The following PEX5L variants were observed in gnomAD, a reference collection of about 807,000 sequenced individuals.
The protein encoded by PEX5L is peroxisomal biogenesis factor 5 like.
Under a neutral mutation model 84.0 loss-of-function variants are expected in PEX5L, and 30 were observed. The observed-to-expected ratio is 0.36, with a 90% CI of 0.27 to 0.48. The LOEUF (loss-of-function observed/expected upper bound fraction) is 0.48, where lower values mean the gene tolerates loss of function less well. PEX5L is among the 20% of genes least tolerant of loss of function. The probability of loss-of-function intolerance (pLI) is 0.99; values close to 1 mark genes in which losing one functional copy is unlikely to be tolerated. For missense variants in PEX5L, 533 were observed against 754.6 expected, an observed-to-expected ratio of 0.71 and a Z score of 3.44; for synonymous variants, 270 against 283.1, an observed-to-expected ratio of 0.95 and a Z score of 0.46.
intron 2 of PEX5L, among the ~76,000 whole-genome samples, chr3:179,965,585 G>A (rs914343933): frequency 1.3e-5 from 2 of 152,068 alleles, no homozygotes; most frequent in African/African-American, 2.4e-5. Flanking sequence ...GTATTTTCTG[G>A]CTTTATACCA....
At chr3:180,032,777 C>T (rs1343446306) in intron 1 of PEX5L, among the ~76,000 whole-genome samples, 6 of 152,066 alleles carry the variant, frequency 3.9e-5, no homozygotes, top group Non-Finnish European at 7.4e-5. Flanking sequence ...TTGCTTGAGC[C>T]AGGGAGGCAT....
At chr3:179,999,369 C>T (rs755318301) in intron 1 of PEX5L, among the ~76,000 whole-genome samples, 1 of 152,156 alleles carries the variant, frequency 6.6e-6, no homozygotes, top group East Asian at 1.9e-4. Context: ...CCCCTGTCAT[C>T]GCCCAATGGT....
At chr3:179,941,978 GC>G in intron 2 of PEX5L, among the ~76,000 whole-genome samples, 1 of 126,120 alleles carries the variant, frequency 7.9e-6, no homozygotes, top group Non-Finnish European at 1.6e-5. Flanking sequence ...CCCAGATCGC[GC>G]CACTGCACTC....
chr3:179,943,384 A>C (rs879619747), intron 2 of PEX5L, among the ~76,000 whole-genome samples: 1 of 152,220 alleles, frequency 6.6e-6, no homozygotes, highest in Non-Finnish European at 1.5e-5. Flanking sequence ...CTACTTCCTC[A>C]TTTCCTAAAA....
chr3:180,023,085 A>G (rs977351974), intron 1 of PEX5L, among the ~76,000 whole-genome samples: 14 of 152,200 alleles, frequency 9.2e-5, no homozygotes, highest in African/African-American at 3.4e-4. Flanking sequence ...TATGGCCTGA[A>G]TTTGCTATGC....
In PEX5L at chr3:179,840,190, T is replaced by G. The variant is rs1182441779; in HGVS notation, c.822+18872A>C. Among the ~76,000 whole-genome samples the G allele has an allele frequency of 3.0e-3, 436 of 143,184 alleles. 1 individual carries two copies. The highest frequency in any genetic ancestry group is 0.011 in the African/African-American group (409 of 38,524). 93.9% of individuals were successfully genotyped at this position (143,184 alleles called of 152,430 possible). Reference sequence around the variant, plus strand: ...GTGTGTGTGTGTGTGTGTGTTTTTTTTTTTTTTTTTTTTTTGAGATGGAGT... The same window carrying G: ...GTGTGTGTGTGTGTGTGTGTTTTTTGTTTTTTTTTTTTTTTGAGATGGAGT... On this transcript the variant is annotated intron_variant, in intron 8 of 14. Transcript: ENST00000467460.
intron 7 of PEX5L, among the ~76,000 whole-genome samples, chr3:179,860,017 G>A (rs1745453590): frequency 6.6e-6 from 1 of 151,492 alleles, no homozygotes; most frequent in East Asian, 1.9e-4. Context: ...AATGTGTATT[G>A]TAATATGTAC....
At position 180,036,774 on chromosome 3, in the gene PEX5L, G is replaced by C. The variant is rs1425801623; in HGVS notation, c.-175C>G. On this transcript the variant is annotated 5_prime_UTR_variant, in exon 1 of 15. Transcript: ENST00000467460. ...CGGCGGCCACTCGGCAGCGCTGCGG[G>C]CTGCCGGGAACTGTTCTCCGCTCGG... 3 of 684,068 alleles carry C rather than the reference G, an allele frequency of 4.4e-6. No homozygotes were observed. The highest frequency in any genetic ancestry group is 4.5e-5 in the Admixed American group (2 of 44,668). The allele number at this position is 684,068 out of a possible 1,614,324, so 42.4% of individuals were successfully genotyped here.
At chr3:179,818,685 A>G (rs1363310002) in intron 9 of PEX5L, among the ~76,000 whole-genome samples, 8 of 151,848 alleles carry the variant, frequency 5.3e-5, no homozygotes, top group South Asian at 2.1e-4. Context: ...AGCTCCCACA[A>G]ACAAGTGAGA....
At chr3:179,960,043 C>A (rs1781621594) in intron 2 of PEX5L, among the ~76,000 whole-genome samples, 1 of 152,072 alleles carries the variant, frequency 6.6e-6, no homozygotes, top group South Asian at 2.1e-4. Flanking sequence ...TTATGTTTTG[C>A]TTATTTTTTT....
At chr3:179,812,730 A>G (rs767114477) in intron 10 of PEX5L, among the ~76,000 whole-genome samples, 1 of 152,020 alleles carries the variant, frequency 6.6e-6, no homozygotes, top group Non-Finnish European at 1.5e-5. Flanking sequence ...TTATAAGAGT[A>G]ATACACACAA....
intron 8 of PEX5L, among the ~76,000 whole-genome samples, chr3:179,831,267 T>C (rs753005011): frequency 2.3e-4 from 35 of 151,002 alleles, no homozygotes; most frequent in Admixed American, 1.4e-3. Flanking sequence ...TGAGCTGAGA[T>C]TGCACCAGTC....
intron 2 of PEX5L, among the ~76,000 whole-genome samples, chr3:179,951,775 T>A (rs1312924376): frequency 6.6e-6 from 1 of 152,176 alleles, no homozygotes; most frequent in East Asian, 1.9e-4. Flanking sequence ...GTACATAGAG[T>A]GTATACTCTC....
chr3:180,025,454 T>C (rs1790859696), intron 1 of PEX5L, among the ~76,000 whole-genome samples: 1 of 152,226 alleles, frequency 6.6e-6, no homozygotes, highest in Admixed American at 6.5e-5. Flanking sequence ...TTGGGGAGAC[T>C]GACAAAAATA....
At chr3:179,864,962 A>G (rs1747592817) in intron 7 of PEX5L, among the ~76,000 whole-genome samples, 2 of 152,140 alleles carry the variant, frequency 1.3e-5, no homozygotes, top group Non-Finnish European at 2.9e-5. Context: ...TCTCACCAGT[A>G]AGATACAACC....
At chr3:179,807,941 C>T in intron 13 of PEX5L, 110 bp from the exon 14 acceptor site, 1 of 977,796 alleles carries the variant, frequency 1.0e-6, no homozygotes. Flanking sequence ...ATGCAGTGCT[C>T]ATGGATGGAG....
intron 2 of PEX5L, among the ~76,000 whole-genome samples, chr3:179,926,104 C>T (rs1771365116): frequency 6.6e-6 from 1 of 152,030 alleles, no homozygotes; most frequent in Non-Finnish European, 1.5e-5. Context: ...TCTCTTTTTT[C>T]CTCACCTGCA....
chr3:179,812,830 G>A (rs1211826381), intron 10 of PEX5L, among the ~76,000 whole-genome samples: 1 of 151,090 alleles, frequency 6.6e-6, no homozygotes, highest in Admixed American at 6.6e-5. Context: ...TTTGGGGAGT[G>A]TGTAACTCTC....
At position 179,933,248 on chromosome 3, in the gene PEX5L, G is replaced by A. The variant is rs76454216; in HGVS notation, c.94-35002C>T. Reference sequence around the variant, plus strand: ...GTTTGTCCTGCCCATGTACCTAAGCGACTCTTGTTACCAGGAAATCGACAG... The same window carrying A: ...GTTTGTCCTGCCCATGTACCTAAGCAACTCTTGTTACCAGGAAATCGACAG... On this transcript the variant is annotated intron_variant, in intron 2 of 14. Transcript: ENST00000467460. Among the ~76,000 whole-genome samples, 917 of 152,256 alleles carry A rather than the reference G, an allele frequency of 6.0e-3. 14 individuals are homozygous for A. The highest frequency in any genetic ancestry group is 0.021 in the African/African-American group (870 of 41,540).
Sources: gnomAD v4.1 joint callset for allele counts (sites outside exome capture counted in the v4.1 genomes callset) on GRCh38, gnomAD v4.1.1 for gene constraint, MANE v1.5 for transcripts, NCBI Gene and HGNC (gene_info 2026-07-23, HGNC 2026-07-21) for gene names.